The following AFF3 variants were observed in gnomAD, a reference collection of about 807,000 sequenced individuals.
AFF3 encodes AF4/FMR2 family member 3.
In AFF3, 32 loss-of-function variants were observed where a neutral mutation model predicts 129.7. The observed-to-expected ratio is 0.25, with a 90% CI of 0.19 to 0.33. The LOEUF is 0.33. Ranked by LOEUF, AFF3 falls within the 10% of genes least tolerant of loss-of-function variation. AFF3 has a pLI of 1.00. For missense variants in AFF3, 1,373 were observed against 1,592.0 expected (o/e 0.86, Z 2.34); for synonymous variants, 644 against 635.4 (o/e 1.01, Z -0.20).
At chr2:99,860,427 G>A (rs936427225) in intron 7 of AFF3, among the ~76,000 whole-genome samples, 1 of 152,066 alleles carries the variant, frequency 6.6e-6, no homozygotes, top group Non-Finnish European at 1.5e-5. Context: ...GGTGGCGGGT[G>A]CCTGTAGCCC....
chr2:99,703,745 G>C (rs1277297114), intron 11 of AFF3, among the ~76,000 whole-genome samples: 1 of 151,734 alleles, frequency 6.6e-6, no homozygotes, highest in Non-Finnish European at 1.5e-5. Context: ...ACCCAGGCTG[G>C]AGTGCAGTGG....
At chr2:99,940,219 A>C (rs1443446523) in intron 7 of AFF3, among the ~76,000 whole-genome samples, 2 of 152,214 alleles carry the variant, frequency 1.3e-5, no homozygotes, top group African/African-American at 4.8e-5. Context: ...GGGATTATAA[A>C]GTACTTCACA....
chr2:100,036,838 A>AG (rs749876300), intron 4 of AFF3, among the ~76,000 whole-genome samples: 12 of 147,266 alleles, frequency 8.1e-5, no homozygotes, highest in East Asian at 2.0e-4. Flanking sequence ...CAAACAGAAA[A>AG]AAAAAAAAAG....
intron 7 of AFF3, among the ~76,000 whole-genome samples, chr2:99,991,789 G>A (rs368577764): frequency 4.6e-5 from 7 of 151,932 alleles, no homozygotes; most frequent in Admixed American, 2.6e-4. Context: ...TGTAACCCTC[G>A]CTACTCAGGA....
At chr2:99,806,231 G>A (rs1037749656) in intron 8 of AFF3, among the ~76,000 whole-genome samples, 2 of 152,204 alleles carry the variant, frequency 1.3e-5, no homozygotes, top group African/African-American at 4.8e-5. Context: ...GAATTCATCT[G>A]TGGTAGGTTA....
chr2:99,691,789 C>A (rs1260664885), intron 11 of AFF3, among the ~76,000 whole-genome samples: 1 of 152,120 alleles, frequency 6.6e-6, no homozygotes, highest in Non-Finnish European at 1.5e-5. Context: ...ATGGGATGAG[C>A]CCTGCAGAGC....
chr2:99,860,982 C>G (rs1690946552), intron 7 of AFF3, among the ~76,000 whole-genome samples: 1 of 152,084 alleles, frequency 6.6e-6, no homozygotes, highest in African/African-American at 2.4e-5. Context: ...CACTAGGTCC[C>G]CAGAACGTAT....
At chr2:99,818,803 G>T (rs1257910363) in intron 8 of AFF3, among the ~76,000 whole-genome samples, 1 of 152,102 alleles carries the variant, frequency 6.6e-6, no homozygotes, top group East Asian at 1.9e-4. Context: ...TAGTATACTA[G>T]AACATGTATT....
intron 2 of AFF3, among the ~76,000 whole-genome samples, chr2:100,121,785 G>A (rs528822879): frequency 3.9e-5 from 6 of 152,166 alleles, no homozygotes; most frequent in Non-Finnish European, 8.8e-5. Flanking sequence ...GCATATGGCC[G>A]GGCGCGGTGG....
At chr2:100,059,763 T>C (rs1022337860) in intron 4 of AFF3, among the ~76,000 whole-genome samples, 3 of 152,196 alleles carry the variant, frequency 2.0e-5, no homozygotes, top group Non-Finnish European at 4.4e-5. Flanking sequence ...CAGTGCTCCA[T>C]CTGGACAAAG....
chr2:99,902,582 T>C (rs1694426649), intron 7 of AFF3, among the ~76,000 whole-genome samples: 1 of 152,184 alleles, frequency 6.6e-6, no homozygotes, highest in South Asian at 2.1e-4. Context: ...TTTTTGTGAA[T>C]CAAAGTTGAT....
rs59646108 is a variant in AFF3, at chr2:99,655,213, TACACACACACACACACAC to T, written c.1144-5565_1144-5548del. On this transcript the variant is annotated intron_variant, in intron 12 of 24. Transcript: ENST00000672756. ...TAGAGGTGGGGCAGACATGAAAAGC[TACACACACACACACACAC>T]ACACACACACACACACACACACACA... is the stretch of plus-strand genomic sequence containing the variant. Among the ~76,000 whole-genome samples the T allele has an allele frequency of 9.4e-4, 122 of 130,360 alleles. 1 individual carries two copies. The highest frequency in any genetic ancestry group is 3.0e-3 in the African/African-American group (100 of 33,612). 85.5% of individuals were successfully genotyped at this position (130,360 alleles called of 152,430 possible). A position where few individuals can be genotyped will look rare whatever the true frequency, so the allele number is the denominator to read the frequency against.
intron 7 of AFF3, among the ~76,000 whole-genome samples, chr2:99,912,208 T>C (rs1003211502): frequency 2.0e-5 from 3 of 152,212 alleles, no homozygotes; most frequent in African/African-American, 4.8e-5. Context: ...CATAAGAACC[T>C]AGCATTATTA....
At chr2:99,953,998 T>C (rs919210241) in intron 7 of AFF3, among the ~76,000 whole-genome samples, 1 of 152,214 alleles carries the variant, frequency 6.6e-6, no homozygotes, top group Non-Finnish European at 1.5e-5. Flanking sequence ...AGAGCCTGTA[T>C]CTGGTAGGTT....
At chr2:99,746,230 T>G (rs531701629) in intron 9 of AFF3, among the ~76,000 whole-genome samples, 3 of 151,914 alleles carry the variant, frequency 2.0e-5, no homozygotes, top group Non-Finnish European at 4.4e-5. Context: ...CCTTTAAAAT[T>G]TTGGCACATG....
At chr2:100,044,780 A>C (rs1030803289) in intron 4 of AFF3, among the ~76,000 whole-genome samples, 15 of 152,042 alleles carry the variant, frequency 9.9e-5, no homozygotes, top group Non-Finnish European at 5.9e-5. Flanking sequence ...GGATGTGCCA[A>C]AGAAAACTGT....
chr2:99,597,590 A>AT (rs1027865054), intron 14 of AFF3, among the ~76,000 whole-genome samples: 31 of 152,080 alleles, frequency 2.0e-4, no homozygotes, highest in African/African-American at 7.5e-4. Context: ...TATTATCATC[A>AT]TTTTCCCCCC....
chr2:99,605,316 T>C (rs1414305535), intron 13 of AFF3, among the ~76,000 whole-genome samples: 1 of 152,252 alleles, frequency 6.6e-6, no homozygotes, highest in Non-Finnish European at 1.5e-5. Flanking sequence ...GTGAAATTTA[T>C]GATGTCTGGA....
At chr2:99,815,226 TA>T in intron 8 of AFF3, among the ~76,000 whole-genome samples, 1 of 152,220 alleles carries the variant, frequency 6.6e-6, no homozygotes, top group South Asian at 2.1e-4. Flanking sequence ...TCCTTGGATG[TA>T]TCAGTTGCAT....
Sources: allele counts gnomAD v4.1 joint callset (sites outside exome capture counted in the v4.1 genomes callset), GRCh38; gene constraint gnomAD v4.1.1; transcripts MANE v1.5; gene names NCBI Gene and HGNC (gene_info 2026-07-23, HGNC 2026-07-21).